Variants in GGACT observed in about 807,000 individuals in gnomAD.
GGACT encodes the protein gamma-glutamylamine cyclotransferase.
For missense variants in GGACT, 241 were observed against 233.2 expected, an observed-to-expected ratio of 1.03 and a Z score of -0.22; for synonymous variants, 118 against 115.3, an observed-to-expected ratio of 1.02 and a Z score of -0.15.
At chr13:100,537,090 T>TCC (rs1223989688) in intron 2 of GGACT, 1 of 152,316 alleles carries the variant, frequency 6.6e-6, no homozygotes, top group East Asian at 1.9e-4. Context: ...CTGTTTTCCG[T>TCC]CTTCCAGAAG....
chr13:100,584,045 T>G (rs926117130), intron 1 of GGACT, 48 bp from the exon 2 acceptor site: 1 of 152,170 alleles, frequency 6.6e-6, no homozygotes, highest in Non-Finnish European at 1.5e-5. Flanking sequence ...AAGTTAAACA[T>G]TTAAGCAATA....
intron 2 of GGACT, among the ~76,000 whole-genome samples, chr13:100,546,310 C>A (rs919968342): frequency 7.0e-6 from 1 of 142,772 alleles, no homozygotes; most frequent in African/African-American, 2.7e-5. Flanking sequence ...TGCAGTAAGC[C>A]GAGATGGCGC....
chr13:100,559,049 G>A (rs944130422), intron 2 of GGACT, among the ~76,000 whole-genome samples: 8 of 152,154 alleles, frequency 5.3e-5, no homozygotes, highest in African/African-American at 1.9e-4. Flanking sequence ...TTCTTTAATG[G>A]ATGATGAAAG....
chr13:100,585,100 G>GAAGCAAGCCAAACCACACTCCACGAA (rs1875527956), intron 1 of GGACT, among the ~76,000 whole-genome samples: 1 of 152,208 alleles, frequency 6.6e-6, no homozygotes, highest in Non-Finnish European at 1.5e-5. Context: ...AGGGGATAGA[G>GAAGCAAGCCAAACCACACTCCACGAA]AAGCAAGCCA....
chr13:100,588,049 C>T (rs1335578008), intron 1 of GGACT, among the ~76,000 whole-genome samples: 2 of 152,154 alleles, frequency 1.3e-5, no homozygotes, highest in Non-Finnish European at 2.9e-5. Flanking sequence ...GGCCAGAAAT[C>T]GACTGCATTT....
chr13:100,553,843 C>CA (rs10664762), intron 2 of GGACT, among the ~76,000 whole-genome samples: 34,056 of 117,632 alleles, frequency 0.29, 6,069 homozygotes, highest in African/African-American at 0.48. Context: ...GACTCCATCT[C>CA]AAAAAAAAAA....
chr13:100,540,876 T>C (rs2153012929), intron 2 of GGACT, among the ~76,000 whole-genome samples: 1 of 152,338 alleles, frequency 6.6e-6, no homozygotes, highest in South Asian at 2.1e-4. Context: ...CCTCTTTGGG[T>C]GCACCAGGCC....
chr13:100,579,958 G>A (rs1298052212), intron 2 of GGACT: 1 of 152,250 alleles, frequency 6.6e-6, no homozygotes, highest in Non-Finnish European at 1.5e-5. Context: ...TCTGCTGATG[G>A]AATTCACACG....
chr13:100,581,827 A>G (rs1467421737), intron 2 of GGACT, among the ~76,000 whole-genome samples: 1 of 152,180 alleles, frequency 6.6e-6, no homozygotes, highest in Non-Finnish European at 1.5e-5. Flanking sequence ...ATGTAGCAAA[A>G]ATGACACTTT....
intron 2 of GGACT, among the ~76,000 whole-genome samples, chr13:100,541,405 A>G (rs561514032): frequency 2.0e-5 from 3 of 152,160 alleles, no homozygotes; most frequent in East Asian, 1.9e-4. Flanking sequence ...ATTTCCTCCT[A>G]TTTACCCCAA....
Position 100,531,934 on chromosome 13 carries a change from A to G in GGACT, c.*196T>C. The G allele has an allele frequency of 4.7e-6, 2 of 426,200 alleles. No homozygotes were observed. Among genetic ancestry groups the G allele is most frequent in the Non-Finnish European group, 8.2e-6 (2 of 244,030 alleles). The allele number at this position is 426,200 out of a possible 1,614,324, so 26.4% of individuals were successfully genotyped here. On this transcript the variant is annotated 3_prime_UTR_variant, in exon 3 of 3. Coordinates refer to ENST00000683975, the MANE Select transcript of GGACT (RefSeq NM_001195087.2). ...AAATCCTAAATTTTTCTTACCAGGT[A>G]GAAAGATGGGAGGGAAGCACCTTGC... is the stretch of plus-strand genomic sequence containing the variant.
rs778935880 is a variant in GGACT at position 100,545,205 on chromosome 13, C to T, written c.-10-12604G>A. 2.6e-5 allele frequency among the ~76,000 whole-genome samples: 4 copies of T among 152,356 alleles called. No homozygotes were observed. The highest frequency in any genetic ancestry group is 9.6e-5 in the African/African-American group (4 of 41,588). ...ATCAACGCCACCCCCAAGGGAGAGC[C>T]CTGACTCCATGCCCACCCCATGCCA... On this transcript the variant is annotated intron_variant, in intron 2 of 2. Coordinates refer to ENST00000683975, the MANE Select transcript of GGACT (RefSeq NM_001195087.2). This position sits in a 1 kb window ranked among gnomAD's most constrained non-coding sequence, Gnocchi z 4.4.
intron 2 of GGACT, among the ~76,000 whole-genome samples, chr13:100,582,344 C>T (rs1369767486): frequency 1.3e-5 from 2 of 152,178 alleles, no homozygotes; most frequent in Non-Finnish European, 1.5e-5. Context: ...CTGCCAAGGA[C>T]TCAGCCACAT....
At position 100,532,565 on chromosome 13, in the gene GGACT, G is replaced by C; in HGVS notation, c.27C>G (p.Thr9=). Residue 9 remains threonine, a synonymous_variant, in exon 3 of 3, where the codon ACC becomes ACG. Coordinates refer to ENST00000683975, the MANE Select transcript of GGACT (RefSeq NM_001195087.2). ...TGTGGTTGGGCTGACCCCGCTTCAG[G>C]GTGCCGTACACGAAGACTAGGGCCA... The part of the protein sequence containing the change: MALVFVYG[T]LKRGQPNHRV... 4 of 1,546,684 alleles carry C rather than the reference G, an allele frequency of 2.6e-6. No homozygotes were observed. The highest frequency in any genetic ancestry group is 3.5e-6 in the Non-Finnish European group (4 of 1,144,582).
chr13:100,579,284 A>C (rs574674804), intron 2 of GGACT, among the ~76,000 whole-genome samples: 11 of 152,276 alleles, frequency 7.2e-5, no homozygotes, highest in African/African-American at 2.4e-4. Context: ...AACCACCCCC[A>C]GGGTACGGAG....
intron 1 of GGACT, among the ~76,000 whole-genome samples, chr13:100,587,715 C>T (rs1397063632): frequency 1.3e-5 from 2 of 152,134 alleles, no homozygotes; most frequent in South Asian, 2.1e-4. Flanking sequence ...TTTAGCAAAA[C>T]GAATAACTTG....
chr13:100,583,321 T>C (rs972223886), intron 2 of GGACT, among the ~76,000 whole-genome samples: 1 of 152,110 alleles, frequency 6.6e-6, no homozygotes, highest in African/African-American at 2.4e-5. Context: ...TTTAAGTACA[T>C]AAAATTAAAA....
At chr13:100,543,225 T>G (rs1020680897) in intron 2 of GGACT, among the ~76,000 whole-genome samples, 1 of 139,936 alleles carries the variant, frequency 7.1e-6, no homozygotes, top group African/African-American at 2.8e-5. Context: ...TTTTTTTTTT[T>G]GAGACGGAGT....
At chr13:100,539,965 C>G (rs879053595) in intron 2 of GGACT, 3 of 1,546,518 alleles carry the variant, frequency 1.9e-6, no homozygotes, top group Admixed American at 1.7e-5. Flanking sequence ...TGGGGGTGTT[C>G]GGTCCTTGCG....
Sources: allele counts gnomAD v4.1 joint callset (sites outside exome capture counted in the v4.1 genomes callset), GRCh38; gene constraint gnomAD v4.1.1; non-coding constraint Gnocchi (gnomAD v3.1); transcripts MANE v1.5; gene names NCBI Gene and HGNC (gene_info 2026-07-23, HGNC 2026-07-21).